The following XKR4 variants were observed in gnomAD, a reference collection of about 807,000 sequenced individuals.
The protein encoded by XKR4 is XK related 4.
A neutral mutation model predicts 53.9 loss-of-function variants in XKR4; 12 were observed. The observed-to-expected ratio is 0.22, with a 90% CI of 0.14 to 0.36. The LOEUF is 0.36. Among genes scored for constraint, XKR4 ranks in the 10% least tolerant of loss-of-function variants. The pLI is 1.00. For synonymous variants in XKR4, 354 were observed against 362.4 expected (o/e 0.98, Z 0.26); for missense variants, 799 against 859.5 (o/e 0.93, Z 0.88).
intron 2 of XKR4, chr8:55,452,457 T>C: frequency 1.6e-6 from 1 of 626,830 alleles, no homozygotes; most frequent in East Asian, 2.9e-5. Flanking sequence ...CCTCGCACCC[T>C]CCTCACGCCC....
chr8:55,118,624 A>G (rs1816345323), intron 1 of XKR4, among the ~76,000 whole-genome samples: 1 of 152,228 alleles, frequency 6.6e-6, no homozygotes, highest in African/African-American at 2.4e-5. Flanking sequence ...TGTATAAACA[A>G]TGCCAAACGT....
chr8:55,489,050 T>A (rs1055561162), intron 2 of XKR4, among the ~76,000 whole-genome samples: 1 of 152,194 alleles, frequency 6.6e-6, no homozygotes, highest in Non-Finnish European at 1.5e-5. Flanking sequence ...CCACTCTGTA[T>A]GATACTACAA....
intron 1 of XKR4, among the ~76,000 whole-genome samples, chr8:55,160,351 A>G (rs899829186): frequency 2.0e-5 from 3 of 152,110 alleles, no homozygotes; most frequent in South Asian, 2.1e-4. Context: ...GAGGGGAGGA[A>G]AGGTGAGAGA....
intron 1 of XKR4, among the ~76,000 whole-genome samples, chr8:55,196,484 G>A (rs961999063): frequency 6.6e-6 from 1 of 152,156 alleles, no homozygotes; most frequent in Admixed American, 6.5e-5. Flanking sequence ...CACCTGGCCT[G>A]TTGTACTTTC....
At chr8:55,416,722 T>G (rs1308727720) in intron 2 of XKR4, among the ~76,000 whole-genome samples, 1 of 152,186 alleles carries the variant, frequency 6.6e-6, no homozygotes, top group African/African-American at 2.4e-5. Context: ...GGCGTTTAGC[T>G]ATATTGTATC....
At chr8:55,228,193 TGAGCC>T (rs1340603447) in intron 1 of XKR4, among the ~76,000 whole-genome samples, 6 of 152,222 alleles carry the variant, frequency 3.9e-5, no homozygotes, top group Admixed American at 2.0e-4. Flanking sequence ...ATTACAAGCG[TGAGCC>T]AGTGCACCCG....
At chr8:55,115,183 A>G (rs1314170398) in intron 1 of XKR4, among the ~76,000 whole-genome samples, 1 of 152,186 alleles carries the variant, frequency 6.6e-6, no homozygotes, top group Non-Finnish European at 1.5e-5. Context: ...GCATGGAGCA[A>G]CTACTGCTGC....
intron 2 of XKR4, chr8:55,450,709 C>T: frequency 6.9e-6 from 4 of 583,126 alleles, no homozygotes; most frequent in East Asian, 4.0e-5. Flanking sequence ...GTGGCTGAAG[C>T]GATGACTGAA....
intron 2 of XKR4, among the ~76,000 whole-genome samples, chr8:55,365,703 G>C (rs1267099096): frequency 8.7e-6 from 1 of 115,462 alleles, no homozygotes; most frequent in African/African-American, 3.6e-5. Context: ...GTGAAACTTC[G>C]TCTCAAAAAA....
chr8:55,358,079 G>C (rs1373171206), intron 2 of XKR4, among the ~76,000 whole-genome samples: 1 of 152,128 alleles, frequency 6.6e-6, no homozygotes, highest in East Asian at 1.9e-4. Flanking sequence ...GCGCATTTTT[G>C]CTCTCCAGCT....
At chr8:55,475,431 T>C (rs1244701098) in intron 2 of XKR4, among the ~76,000 whole-genome samples, 2 of 151,874 alleles carry the variant, frequency 1.3e-5, no homozygotes, top group East Asian at 3.9e-4. Flanking sequence ...CTATTTGGGG[T>C]GATGGGGGAA....
chr8:55,363,206 CTGAG>C (rs1803928266), intron 2 of XKR4, among the ~76,000 whole-genome samples: 1 of 152,142 alleles, frequency 6.6e-6, no homozygotes, highest in Admixed American at 6.5e-5. Flanking sequence ...CTGGGGTGTG[CTGAG>C]TGAGTTACCA....
chr8:55,393,451 GAAGGAAGA>G (rs1194999430), intron 2 of XKR4, among the ~76,000 whole-genome samples: 7 of 86,206 alleles, frequency 8.1e-5, no homozygotes, highest in East Asian at 7.1e-4. Context: ...AGGAAGGAAG[GAAGGAAGA>G]AAGGAAGGAA....
chr8:55,512,667 G>A (rs562830130), intron 2 of XKR4, among the ~76,000 whole-genome samples: 12 of 152,340 alleles, frequency 7.9e-5, no homozygotes, highest in African/African-American at 2.6e-4. Flanking sequence ...AAACATTTAT[G>A]AGAGGAAAGA....
At chr8:55,184,083 C>G (rs1046953729) in intron 1 of XKR4, among the ~76,000 whole-genome samples, 1 of 152,028 alleles carries the variant, frequency 6.6e-6, no homozygotes, top group African/African-American at 2.4e-5. Flanking sequence ...CAGGGCTTCT[C>G]CCTTTTTGAT....
intron 1 of XKR4, among the ~76,000 whole-genome samples, chr8:55,200,260 G>A (rs987459689): frequency 3.3e-5 from 5 of 152,054 alleles, no homozygotes; most frequent in African/African-American, 1.2e-4. Context: ...TAGAGACGGG[G>A]TTTCACCATG....
At position 55,538,664 on chromosome 8, in the gene XKR4, G is replaced by T. The variant is rs912017315; in HGVS notation, c.*14437G>T. 2.6e-5 allele frequency: 4 copies of T among 152,140 alleles called. No individual in the cohort carries two copies. The highest frequency in any genetic ancestry group is 6.5e-5 in the Admixed American group (1 of 15,272). The allele number at this position is 152,140 out of a possible 1,614,324, so 9.4% of individuals were successfully genotyped here. The stretch of plus-strand genomic sequence containing the variant: ...CCCAGAAAACTTGTCTCCTCCTGAT[G>T]CCTGAGGGGTTTGCATGCCTGATCC... On this transcript the variant is annotated 3_prime_UTR_variant, in exon 3 of 3. Transcript: ENST00000327381.
At chr8:55,454,977 G>A (rs774056313) in intron 2 of XKR4, 9 of 857,266 alleles carry the variant, frequency 1.0e-5, no homozygotes, top group African/African-American at 1.6e-5. Context: ...TTCCTCTCGG[G>A]ACACATCTGC....
Position 55,527,865 on chromosome 8 carries a change from A to C in XKR4, c.*3638A>C, listed in dbSNP as rs938332583. 2 of 152,220 alleles carry C rather than the reference A, an allele frequency of 1.3e-5. No homozygotes were observed. Among genetic ancestry groups the C allele is most frequent in the Non-Finnish European group, 2.9e-5 (2 of 68,022 alleles). The allele number at this position is 152,220 out of a possible 1,614,324, so 9.4% of individuals were successfully genotyped here. A position where few individuals can be genotyped will look rare whatever the true frequency, so the allele number is the denominator to read the frequency against. On this transcript the variant is annotated 3_prime_UTR_variant, in exon 3 of 3. Coordinates refer to ENST00000327381, the MANE Select transcript of XKR4 (RefSeq NM_052898.2). ...ATTTATTTTGCTCTATGAGTAAAGG[A>C]AGTGATTGCACAGAACAATTAAAAG...
Sources: allele counts gnomAD v4.1 joint callset (sites outside exome capture counted in the v4.1 genomes callset), GRCh38; gene constraint gnomAD v4.1.1; transcripts MANE v1.5; gene names NCBI Gene and HGNC (gene_info 2026-07-23, HGNC 2026-07-21).